Variants in GRIP1 observed in about 807,000 individuals in gnomAD.
GRIP1 encodes the protein glutamate receptor interacting protein 1.
Under a neutral mutation model 129.9 loss-of-function variants are expected in GRIP1, and 45 were observed. The observed-to-expected ratio is 0.35, with a 90% CI of 0.27 to 0.44. GRIP1 has a LOEUF of 0.44. Among genes scored for constraint, GRIP1 ranks in the 20% least tolerant of loss-of-function variants. The pLI is 1.00. For synonymous variants in GRIP1, 530 were observed against 520.8 expected (o/e 1.02, Z -0.24); for missense variants, 1,196 against 1,396.8 (o/e 0.86, Z 2.29).
intron 24 of GRIP1, among the ~76,000 whole-genome samples, chr12:66,349,693 C>T (rs1311585256): frequency 1.3e-5 from 2 of 152,148 alleles, no homozygotes; most frequent in African/African-American, 2.4e-5. Flanking sequence ...CTCCCACAAG[C>T]GAGCTCCACC....
chr12:66,686,952 C>G (rs566195181), intron 1 of GRIP1, among the ~76,000 whole-genome samples: 1 of 152,112 alleles, frequency 6.6e-6, no homozygotes, highest in Non-Finnish European at 1.5e-5. Context: ...GTCCCAGCTA[C>G]TCAGGAGGCA....
chr12:66,724,603 A>G (rs2036193498), intron 1 of GRIP1, among the ~76,000 whole-genome samples: 1 of 152,154 alleles, frequency 6.6e-6, no homozygotes, highest in African/African-American at 2.4e-5. Context: ...AGTGCTAACA[A>G]TAGTTCATCT....
intron 1 of GRIP1, among the ~76,000 whole-genome samples, chr12:66,924,906 C>T (rs1194168180): frequency 6.6e-6 from 1 of 152,132 alleles, no homozygotes; most frequent in East Asian, 1.9e-4. Flanking sequence ...GGAGGTGGAG[C>T]TTGCAGTGAG....
chr12:67,001,314 T>C (rs1167383011), intron 1 of GRIP1, among the ~76,000 whole-genome samples: 15 of 152,126 alleles, frequency 9.9e-5, no homozygotes. Context: ...ATTCTGTTCA[T>C]AGGCTCCAAG....
intron 1 of GRIP1, among the ~76,000 whole-genome samples, chr12:67,039,034 C>T (rs951502227): frequency 1.3e-5 from 2 of 151,954 alleles, no homozygotes; most frequent in African/African-American, 4.8e-5. Flanking sequence ...CACACACACA[C>T]ACACACACAC....
At chr12:66,811,924 T>G (rs936676109) in intron 1 of GRIP1, among the ~76,000 whole-genome samples, 1 of 152,176 alleles carries the variant, frequency 6.6e-6, no homozygotes, top group Non-Finnish European at 1.5e-5. Context: ...CGTCTCTAAA[T>G]GCATTGCCAT....
At chr12:66,666,486 ATTAAT>A (rs145388151) in intron 1 of GRIP1, among the ~76,000 whole-genome samples, 4,777 of 152,196 alleles carry the variant, frequency 0.031, 231 homozygotes, top group African/African-American at 0.11. Flanking sequence ...TTACTTTATC[ATTAAT>A]TTAATACATT....
chr12:66,971,453 A>G (rs2042075183), intron 1 of GRIP1, among the ~76,000 whole-genome samples: 1 of 152,212 alleles, frequency 6.6e-6, no homozygotes, highest in Non-Finnish European at 1.5e-5. Flanking sequence ...AAGGAGAATA[A>G]TAGCATGCTT....
At position 66,987,263 on chromosome 12, in the gene GRIP1, A is replaced by T. The variant is rs999250499; in HGVS notation, c.58+81787T>A. ...GTTGGTTTGCTCACTGTGATACCCC[A>T]AACACCAAGAACAGTGCCTGACTGG... On this transcript the variant is annotated intron_variant, in intron 1 of 1. Coordinates refer to the GRIP1 transcript ENST00000643019. Among the ~76,000 whole-genome samples the T allele has an allele frequency of 8.5e-5, 13 of 152,240 alleles. 1 individual carries two copies. Among genetic ancestry groups the T allele is most frequent in the Non-Finnish European group, 2.9e-5 (2 of 68,046 alleles).
chr12:66,622,989 G>T (rs2065341955), intron 1 of GRIP1, among the ~76,000 whole-genome samples: 1 of 152,096 alleles, frequency 6.6e-6, no homozygotes, highest in Non-Finnish European at 1.5e-5. Context: ...TCTATATTAT[G>T]AATTCCATGA....
intron 1 of GRIP1, among the ~76,000 whole-genome samples, chr12:66,716,250 G>A (rs1303623610): frequency 6.6e-6 from 1 of 151,874 alleles, no homozygotes; most frequent in Admixed American, 6.6e-5. Context: ...CCTTAGTCAA[G>A]TTTAACTGAT....
At chr12:66,802,996 T>C (rs1368228693) in intron 1 of GRIP1, among the ~76,000 whole-genome samples, 1 of 152,232 alleles carries the variant, frequency 6.6e-6, no homozygotes, top group Non-Finnish European at 1.5e-5. Context: ...TCTTGTATTA[T>C]TGCCACCACA....
chr12:66,946,489 A>G (rs976023571), intron 1 of GRIP1, among the ~76,000 whole-genome samples: 9 of 152,120 alleles, frequency 5.9e-5, no homozygotes, highest in Admixed American at 5.9e-4. Context: ...TAGGCTAAAT[A>G]TATTACAATG....
chr12:66,897,975 A>G (rs1592937770), intron 1 of GRIP1, among the ~76,000 whole-genome samples: 1 of 152,334 alleles, frequency 6.6e-6, no homozygotes, highest in African/African-American at 2.4e-5. Flanking sequence ...ACAAGAATAC[A>G]TTGCCTAACC....
intron 1 of GRIP1, among the ~76,000 whole-genome samples, chr12:66,774,032 A>C (rs148892878): frequency 6.6e-6 from 1 of 152,302 alleles, no homozygotes; most frequent in East Asian, 1.9e-4. Context: ...GAGTTAAAAA[A>C]AAAAAGTATC....
At chr12:66,373,018 T>C (rs528234991) in intron 22 of GRIP1, among the ~76,000 whole-genome samples, 141 of 152,346 alleles carry the variant, frequency 9.3e-4, no homozygotes, top group African/African-American at 3.2e-3. Context: ...CTTTTGAATG[T>C]AGTCACTCAT....
At chr12:66,479,741 C>T (rs1674242208) in intron 7 of GRIP1, among the ~76,000 whole-genome samples, 1 of 152,154 alleles carries the variant, frequency 6.6e-6, no homozygotes, top group Non-Finnish European at 1.5e-5. Flanking sequence ...AGGCTTCATC[C>T]CTGGAATGCA....
intron 1 of GRIP1, among the ~76,000 whole-genome samples, chr12:66,971,545 A>G (rs561472820): frequency 1.3e-5 from 2 of 152,302 alleles, no homozygotes; most frequent in South Asian, 4.1e-4. Context: ...CTGGATAGCA[A>G]CTGGATAGTA....
intron 1 of GRIP1, among the ~76,000 whole-genome samples, chr12:66,847,584 G>T (rs2039840530): frequency 6.6e-6 from 1 of 152,108 alleles, no homozygotes; most frequent in South Asian, 2.1e-4. Flanking sequence ...TGTCATTAAT[G>T]TGAACTTTGA....
Sources: gnomAD v4.1 joint callset for allele counts (sites outside exome capture counted in the v4.1 genomes callset) on GRCh38, gnomAD v4.1.1 for gene constraint, MANE v1.5 for transcripts, NCBI Gene and HGNC (gene_info 2026-07-23, HGNC 2026-07-21) for gene names.